The following PID1 variants were observed in gnomAD, a reference collection of about 807,000 sequenced individuals.
The protein encoded by PID1 is phosphotyrosine interaction domain containing 1, also known as PTB-containing, cubilin and LRP1-interacting protein.
Under a neutral mutation model 19.1 loss-of-function variants are expected in PID1, and 10 were observed. The ratio of observed to expected loss-of-function variants is 0.52; its 90% CI spans 0.32 to 0.89. The LOEUF (loss-of-function observed/expected upper bound fraction) is 0.89. Among genes scored for constraint, PID1 ranks in the 40% least tolerant of loss-of-function variants. The pLI is 0.03. For synonymous variants in PID1, 130 were observed against 116.0 expected (o/e 1.12, Z -0.78); for missense variants, 248 against 285.3 (o/e 0.87, Z 0.94).
At chr2:229,158,004 T>C (rs746359613) in intron 1 of PID1, among the ~76,000 whole-genome samples, 25 of 152,236 alleles carry the variant, frequency 1.6e-4, no homozygotes, top group Non-Finnish European at 3.4e-4. Flanking sequence ...TGCAGCGTTT[T>C]CACTGTTCCG....
chr2:229,109,493 A>T (rs1173000887), intron 2 of PID1, among the ~76,000 whole-genome samples: 4 of 152,074 alleles, frequency 2.6e-5, no homozygotes, highest in African/African-American at 9.7e-5. Flanking sequence ...CTGCATGATT[A>T]CCTCCCACCC....
chr2:229,081,873 A>C (rs1694675585), intron 2 of PID1, among the ~76,000 whole-genome samples: 1 of 152,236 alleles, frequency 6.6e-6, no homozygotes, highest in Non-Finnish European at 1.5e-5. Flanking sequence ...AAAGTACCAC[A>C]GAATTCTCAA....
chr2:229,054,717 T>TCGG (rs1694061838), intron 2 of PID1, among the ~76,000 whole-genome samples: 1 of 8,732 alleles, frequency 1.1e-4, no homozygotes, highest in African/African-American at 3.1e-4. Context: ...TGTGTGTGTG[T>TCGG]GTGGGGGGGG....
intron 2 of PID1, among the ~76,000 whole-genome samples, chr2:229,130,076 C>A (rs1489593854): frequency 6.6e-6 from 1 of 152,206 alleles, no homozygotes; most frequent in Non-Finnish European, 1.5e-5. Context: ...AGCTTTATCA[C>A]CAGAATAAAT....
chr2:229,114,916 C>T (rs774828689), intron 2 of PID1, among the ~76,000 whole-genome samples: 23 of 152,128 alleles, frequency 1.5e-4, no homozygotes, highest in Non-Finnish European at 3.1e-4. Context: ...CAATGATAGA[C>T]CTAATTTCAC....
chr2:229,180,077 A>G (rs925876430), intron 1 of PID1, among the ~76,000 whole-genome samples: 2 of 150,914 alleles, frequency 1.3e-5, no homozygotes, highest in Admixed American at 6.6e-5. Context: ...TGCACTTCGT[A>G]TACAGGTCCC....
intron 2 of PID1, among the ~76,000 whole-genome samples, chr2:229,037,202 C>T (rs1262117181): frequency 6.6e-6 from 1 of 151,516 alleles, no homozygotes; most frequent in East Asian, 1.9e-4. Context: ...CAGATTATGT[C>T]GATATAATCT....
At chr2:229,103,832 C>A (rs1466386092) in intron 2 of PID1, among the ~76,000 whole-genome samples, 1 of 152,146 alleles carries the variant, frequency 6.6e-6, no homozygotes, top group African/African-American at 2.4e-5. Context: ...CCACCTTGGC[C>A]TCCCAAAGTG....
chr2:229,153,226 G>C (rs7580175), intron 2 of PID1, among the ~76,000 whole-genome samples: 10 of 152,268 alleles, frequency 6.6e-5, no homozygotes, highest in African/African-American at 2.4e-4. Context: ...ACACCAGTAC[G>C]TTTCCAGTCA....
At chr2:229,133,722 G>A (rs949861172) in intron 2 of PID1, among the ~76,000 whole-genome samples, 6 of 152,098 alleles carry the variant, frequency 3.9e-5, no homozygotes, top group African/African-American at 9.7e-5. Context: ...ACCAGCCAAT[G>A]AGCAGGTTTT....
At chr2:229,129,631 T>C (rs1689680721) in intron 2 of PID1, among the ~76,000 whole-genome samples, 1 of 152,200 alleles carries the variant, frequency 6.6e-6, no homozygotes, top group Admixed American at 6.5e-5. Context: ...CATTTATCAT[T>C]ACTATCTCAG....
At chr2:229,074,961 C>T (rs1008060408) in intron 2 of PID1, among the ~76,000 whole-genome samples, 7 of 152,138 alleles carry the variant, frequency 4.6e-5, no homozygotes, top group Non-Finnish European at 1.0e-4. Context: ...ATATACAGGG[C>T]TCCCTGACTT....
chr2:229,116,407 C>A (rs1008038433), intron 2 of PID1, among the ~76,000 whole-genome samples: 1 of 152,086 alleles, frequency 6.6e-6, no homozygotes, highest in African/African-American at 2.4e-5. Context: ...TCGGCAGCAT[C>A]CACACATATC....
intron 2 of PID1, among the ~76,000 whole-genome samples, chr2:229,078,503 G>T (rs570033246): frequency 6.6e-6 from 1 of 152,264 alleles, no homozygotes; most frequent in African/African-American, 2.4e-5. Context: ...TTCCAGCTTT[G>T]CCCCTTCAGT....
intron 1 of PID1, among the ~76,000 whole-genome samples, chr2:229,200,526 G>C (rs2106240048): frequency 6.6e-6 from 1 of 152,012 alleles, no homozygotes; most frequent in East Asian, 1.9e-4. Flanking sequence ...GCATAATTGT[G>C]AGCAACTGTA....
chr2:229,209,550 C>A (rs552143656), intron 1 of PID1, among the ~76,000 whole-genome samples: 140 of 152,158 alleles, frequency 9.2e-4, no homozygotes, highest in Non-Finnish European at 1.7e-3. Context: ...ATCCCTGAAT[C>A]ACCACATGGA....
chr2:229,171,013 G>A (rs1318180207), intron 1 of PID1, among the ~76,000 whole-genome samples: 2 of 152,120 alleles, frequency 1.3e-5, no homozygotes, highest in African/African-American at 4.8e-5. Flanking sequence ...TTGTCCCAAG[G>A]GACTTCATTC....
At chr2:229,136,435 A>G (rs1689859076) in intron 2 of PID1, among the ~76,000 whole-genome samples, 1 of 152,098 alleles carries the variant, frequency 6.6e-6, no homozygotes, top group African/African-American at 2.4e-5. Flanking sequence ...ATTAATTTTG[A>G]GTTAATTTCT....
At chr2:229,146,842 T>C (rs1379345878) in intron 2 of PID1, among the ~76,000 whole-genome samples, 3 of 152,064 alleles carry the variant, frequency 2.0e-5, no homozygotes, top group South Asian at 4.1e-4. Context: ...CATGCAGAGA[T>C]TGCAGTGATG....
Sources: allele counts gnomAD v4.1 joint callset (sites outside exome capture counted in the v4.1 genomes callset), GRCh38; gene constraint gnomAD v4.1.1; transcripts MANE v1.5; gene names NCBI Gene and HGNC (gene_info 2026-07-23, HGNC 2026-07-21).